The following CYP4F11 variants were observed in gnomAD, a reference collection of about 807,000 sequenced individuals.
CYP4F11 encodes cytochrome P450 4F11.
In CYP4F11, 79 loss-of-function variants were observed where a neutral mutation model predicts 62.2. The ratio of observed to expected loss-of-function variants is 1.27; its 90% CI spans 1.06 to 1.53. The LOEUF is 1.53. CYP4F11 is among the 40% of genes most tolerant of loss of function. The probability of loss-of-function intolerance (pLI) is 0.00; values close to 1 mark genes in which losing one functional copy is unlikely to be tolerated. For synonymous variants in CYP4F11, 290 were observed against 263.7 expected, an observed-to-expected ratio of 1.10 and a Z score of -0.97; for missense variants, 777 against 680.5, an observed-to-expected ratio of 1.14 and a Z score of -1.58.
intron 8 of CYP4F11, among the ~76,000 whole-genome samples, chr19:15,915,710 T>C (rs1425534092): frequency 2.0e-5 from 3 of 151,836 alleles, no homozygotes; most frequent in Non-Finnish European, 4.4e-5. Flanking sequence ...CTGGGACTTG[T>C]ATCAAAATAG....
rs559894600 is a variant in CYP4F11 at position 15,913,573 on chromosome 19, G to T, written c.*159C>A. ...AGCCAGAGAGGCCGTCAGGGTTTTG[G>T]GTTCAGAGACGTCACCCTGCCTCCA... On this transcript the variant is annotated 3_prime_UTR_variant, in exon 12 of 12. Transcript: ENST00000402119. The T allele has an allele frequency of 2.6e-5, 23 of 893,370 alleles. No individual in the cohort carries two copies. The African/African-American group carries it at 3.6e-4, about 14-fold the overall frequency. 55.3% of individuals were successfully genotyped at this position (893,370 alleles called of 1,614,324 possible). A position where few individuals can be genotyped will look rare whatever the true frequency, so the allele number is the denominator to read the frequency against.
Position 15,934,306 on chromosome 19 carries a change from G to C in CYP4F11, c.103C>G (p.Leu35Val), listed in dbSNP as rs963253833. The C allele has an allele frequency of 1.1e-5, 17 of 1,613,514 alleles. No individual in the cohort carries two copies. Among genetic ancestry groups the C allele is most frequent in the Middle Eastern group, 1.6e-4 (1 of 6,080 alleles). Residue 35 changes from leucine (L) to valine (V), a missense_variant, in exon 1 of 12, where the codon CTG becomes GTG. Physicochemically the swap from Leu to Val is conservative, Grantham distance 32 (BLOSUM62 1). Transcript: ENST00000402119. The stretch of plus-strand genomic sequence containing the variant: ...TCATAGAAGGTGTAGGTCCAGGCCA[G>C]GACGCGGGCCAGGAGCCAGGAGCCT... The part of the protein sequence containing the change: ...VGGSWLLARV[L>V]AWTYTFYDNC...
chr19:15,922,474 G>T, intron 6 of CYP4F11, 44 bp from the exon 7 acceptor site: 1 of 1,585,924 alleles, frequency 6.3e-7, no homozygotes. Context: ...AATCACACCA[G>T]CTCTGAAGGC....
chr19:15,913,388 T>C lies in CYP4F11; in HGVS notation c.*344A>G. 6.1e-6 allele frequency: 2 copies of C among 327,554 alleles called. No homozygotes were observed. The highest frequency in any genetic ancestry group is 1.2e-5 in the Non-Finnish European group (2 of 171,474). The allele number at this position is 327,554 out of a possible 1,614,324, so 20.3% of individuals were successfully genotyped here. A position where few individuals can be genotyped will look rare whatever the true frequency, so the allele number is the denominator to read the frequency against. On this transcript the variant is annotated 3_prime_UTR_variant, in exon 12 of 12. Coordinates refer to ENST00000402119, the MANE Select transcript of CYP4F11 (RefSeq NM_021187.4). ...ATGAAGGGATCTGCCCCTATGGTTG[T>C]TTCTCGCTGAATCAGAGTCTCAGTC...
At chr19:15,919,471 T>TATAGATAGATG (rs1555777245) in intron 8 of CYP4F11, among the ~76,000 whole-genome samples, 1 of 136,588 alleles carries the variant, frequency 7.3e-6, no homozygotes, top group African/African-American at 2.7e-5. Context: ...TGGACAGATG[T>TATAGATAGATG]ATAGATAGAT....
intron 1 of CYP4F11, among the ~76,000 whole-genome samples, chr19:15,931,127 G>A (rs1599381475): frequency 1.3e-5 from 2 of 151,990 alleles, no homozygotes; most frequent in Non-Finnish European, 2.9e-5. Flanking sequence ...TAACAAGGCC[G>A]ACTGGGACAT....
rs745465751 is a variant in CYP4F11, at chr19:15,914,390, G to T, written c.1315-3C>A. 1.2e-5 allele frequency: 20 copies of T among 1,613,274 alleles called. No homozygotes were observed. The highest frequency in any genetic ancestry group is 1.7e-5 in the Non-Finnish European group (20 of 1,179,560). On this transcript the variant is annotated splice_polypyrimidine_tract_variant and splice_region_variant and intron_variant, in intron 10 of 11. Coordinates refer to ENST00000402119, the MANE Select transcript of CYP4F11 (RefSeq NM_021187.4). ...TCGAAACGGAAGGGGTCGTAGACCT[G>T]CAGGTGAGACCAAGAAGGCTTGCTG...
chr19:15,928,172 C>T (rs2089684498), intron 2 of CYP4F11: 1 of 152,298 alleles, frequency 6.6e-6, no homozygotes, highest in South Asian at 2.1e-4. Flanking sequence ...ATGGCCAAGA[C>T]ATTTGAAGTA....
intron 6 of CYP4F11, among the ~76,000 whole-genome samples, chr19:15,923,238 CCT>C (rs3056063): frequency 0.081 from 8,943 of 110,362 alleles, 314 homozygotes; most frequent in Admixed American, 0.11. Flanking sequence ...AAGCAAACAT[CCT>C]CTCTCTCTCT....
chr19:15,919,340 T>G (rs2145041247), intron 8 of CYP4F11, among the ~76,000 whole-genome samples: 1 of 147,528 alleles, frequency 6.8e-6, no homozygotes, highest in South Asian at 2.2e-4. Context: ...ATGATATAGA[T>G]AGATCGATGG....
At chr19:15,929,656 G>C in intron 1 of CYP4F11, 55 bp from the exon 2 acceptor site, 1 of 1,525,046 alleles carries the variant, frequency 6.6e-7, no homozygotes, top group Non-Finnish European at 8.8e-7. Flanking sequence ...TAGGCATCCT[G>C]AATTAATCAT....
chr19:15,934,443 G>T lies in CYP4F11; in HGVS notation c.-35C>A. 1 of 1,607,234 alleles carries T rather than the reference G, an allele frequency of 6.2e-7. No individual in the cohort carries two copies. The highest frequency in any genetic ancestry group is 8.5e-7 in the Non-Finnish European group (1 of 1,177,864). On this transcript the variant is annotated 5_prime_UTR_variant, in exon 1 of 12. Coordinates refer to ENST00000402119, the MANE Select transcript of CYP4F11 (RefSeq NM_021187.4). ...CAGACGGGATGGAGGGTGGGATCCTGAGGCCCAGGGAAGGGCCCAGGAAGC... is the reference window on the plus strand; with the variant it reads ...CAGACGGGATGGAGGGTGGGATCCTTAGGCCCAGGGAAGGGCCCAGGAAGC...
chr19:15,914,228 G>A, intron 11 of CYP4F11, 77 bp downstream of exon 11: 2 of 1,499,356 alleles, frequency 1.3e-6, no homozygotes, highest in Non-Finnish European at 1.8e-6. Context: ...CTGGAACTGG[G>A]ACCATCTGTA....
intron 10 of CYP4F11, 66 bp downstream of exon 10, chr19:15,914,536 A>T (rs1200351489): frequency 2.5e-6 from 4 of 1,598,798 alleles, no homozygotes; most frequent in Non-Finnish European, 2.6e-6. Flanking sequence ...CCTGGTCAAA[A>T]CCCTGTCACC....
At position 15,913,711 on chromosome 19, in the gene CYP4F11, G is replaced by A. The variant is rs1307331865; in HGVS notation, c.*21C>T. The A allele has an allele frequency of 6.2e-7, 1 of 1,610,034 alleles. No homozygotes were observed. The highest frequency in any genetic ancestry group is 8.5e-7 in the Non-Finnish European group (1 of 1,176,742). On this transcript the variant is annotated 3_prime_UTR_variant, in exon 12 of 12. Coordinates refer to ENST00000402119, the MANE Select transcript of CYP4F11 (RefSeq NM_021187.4). ...GTTTTGTTTCTGGGACTCTACAGAGGTGGGTGGGTGGGTAGGACAGTCACT... is the reference window on the plus strand; with the variant it reads ...GTTTTGTTTCTGGGACTCTACAGAGATGGGTGGGTGGGTAGGACAGTCACT...
rs549990711 is a variant in CYP4F11 at position 15,921,871 on chromosome 19, C to T, written c.1115+166G>A. Among the ~76,000 whole-genome samples the T allele has an allele frequency of 4.6e-5, 7 of 152,280 alleles. No individual in the cohort carries two copies. The South Asian group carries it at 1.5e-3, about 32-fold the overall frequency. On this transcript the variant is annotated intron_variant, in intron 8 of 11. Transcript: ENST00000402119. Reference sequence around the variant, plus strand: ...AGCCCAGGTCCCAAAAGCCTGCAAACCATCCCCTGCTGGCCTGGCTGTGTA... The same window carrying T: ...AGCCCAGGTCCCAAAAGCCTGCAAATCATCCCCTGCTGGCCTGGCTGTGTA...
chr19:15,914,953 C>A, intron 8 of CYP4F11, 58 bp from the exon 9 acceptor site: 1 of 1,589,914 alleles, frequency 6.3e-7, no homozygotes, highest in South Asian at 1.2e-5. Flanking sequence ...AATTCTCCAG[C>A]TTCTCTGTTT....
intron 6 of CYP4F11, among the ~76,000 whole-genome samples, chr19:15,923,510 T>C (rs1357613792): frequency 6.6e-6 from 1 of 152,186 alleles, no homozygotes; most frequent in Non-Finnish European, 1.5e-5. Flanking sequence ...GCTGCTGTGA[T>C]CCAGGGATTT....
chr19:15,933,835 A>C (rs2089750356), intron 1 of CYP4F11, among the ~76,000 whole-genome samples: 1 of 50,144 alleles, frequency 2.0e-5, no homozygotes, highest in African/African-American at 6.3e-5. Context: ...GAGAAGAATG[A>C]GTGAGTGAGG....
Sources: allele counts gnomAD v4.1 joint callset (sites outside exome capture counted in the v4.1 genomes callset), GRCh38; gene constraint gnomAD v4.1.1; transcripts MANE v1.5; gene names NCBI Gene and HGNC (gene_info 2026-07-23, HGNC 2026-07-21).